STYX: variants seen among roughly 807,000 people sequenced by gnomAD.
STYX encodes serine/threonine/tyrosine-interacting protein.
Under a neutral mutation model 42.7 loss-of-function variants are expected in STYX, and 20 were observed. That is an observed-to-expected ratio of 0.47 (90% CI 0.33 to 0.68). STYX has a LOEUF of 0.68. STYX is among the 30% of genes least tolerant of loss of function. The pLI is 0.02. For synonymous variants in STYX, 78 were observed against 81.9 expected (o/e 0.95, Z 0.26); for missense variants, 226 against 268.5 (o/e 0.84, Z 1.11).
chr14:52,744,075 C>T (rs972004021), intron 1 of STYX, among the ~76,000 whole-genome samples: 1 of 152,202 alleles, frequency 6.6e-6, no homozygotes, highest in African/African-American at 2.4e-5. Flanking sequence ...CTGCCTGCCT[C>T]GGCATCCCAA....
intron 9 of STYX, among the ~76,000 whole-genome samples, chr14:52,765,300 T>C (rs1396129328): frequency 6.6e-6 from 1 of 152,068 alleles, no homozygotes; most frequent in African/African-American, 2.4e-5. Flanking sequence ...CTCACTGCAA[T>C]CTCCACCTCC....
At chr14:52,755,121 G>GTTTTTTTT (rs537098365) in intron 4 of STYX, among the ~76,000 whole-genome samples, 10 of 139,298 alleles carry the variant, frequency 7.2e-5, no homozygotes, top group Middle Eastern at 3.6e-3. Context: ...TTGTTTTTTT[G>GTTTTTTTT]TTTTTTTTTT....
At chr14:52,758,361 A>T (rs924616648) in intron 8 of STYX, among the ~76,000 whole-genome samples, 4 of 152,152 alleles carry the variant, frequency 2.6e-5, no homozygotes, top group Admixed American at 1.3e-4. Flanking sequence ...TTTTTAAAAG[A>T]TAGGGGGTGG....
chr14:52,768,875 A>G lies in STYX; in HGVS notation c.540A>G (p.Ile180Met), dbSNP rs1364917308. The part of the protein sequence containing the change: ...YEAIYLAKLT[I>M]QMMSPLQIER... ...CCATCTACCTAGCAAAATTAACAAT[A>G]CAGATGATGTCACCACTCCAGATAG... Residue 180 changes from isoleucine to methionine, a missense_variant, in exon 10 of 11, where the codon ATA becomes ATG. Physicochemically the swap from Ile to Met is conservative, Grantham distance 10 (BLOSUM62 1). Coordinates refer to ENST00000354586, the MANE Select transcript of STYX (RefSeq NM_145251.4). The G allele has an allele frequency of 3.1e-6, 5 of 1,603,772 alleles. No homozygotes were observed. Among genetic ancestry groups the G allele is most frequent in the Non-Finnish European group, 4.3e-6 (5 of 1,176,120 alleles).
At chr14:52,741,381 T>G (rs887225176) in intron 1 of STYX, among the ~76,000 whole-genome samples, 8 of 152,104 alleles carry the variant, frequency 5.3e-5, no homozygotes, top group African/African-American at 1.9e-4. Context: ...GTCAATTTTT[T>G]TAACTTTAAC....
At chr14:52,755,108 T>G (rs1234276192) in intron 4 of STYX, among the ~76,000 whole-genome samples, 1 of 140,004 alleles carries the variant, frequency 7.1e-6, no homozygotes, top group African/African-American at 2.6e-5. Context: ...TGTTTTTTTT[T>G]GTTTGTTTTT....
chr14:52,766,717 G>A (rs1162574491), intron 9 of STYX, among the ~76,000 whole-genome samples: 2 of 152,082 alleles, frequency 1.3e-5, no homozygotes, highest in East Asian at 1.9e-4. Context: ...GTCTTCTATT[G>A]TGTATTTACC....
chr14:52,770,683 A>G (rs1882477748), intron 10 of STYX, among the ~76,000 whole-genome samples: 2 of 152,112 alleles, frequency 1.3e-5, no homozygotes, highest in Admixed American at 1.3e-4. Flanking sequence ...CCTAAATTTT[A>G]TGCCCTAAGT....
At chr14:52,742,032 C>T (rs774928007) in intron 1 of STYX, among the ~76,000 whole-genome samples, 1 of 152,080 alleles carries the variant, frequency 6.6e-6, no homozygotes, top group Non-Finnish European at 1.5e-5. Flanking sequence ...AGAGAATATG[C>T]ATTTGCTTCT....
At chr14:52,762,716 A>G (rs1433981071) in intron 9 of STYX, among the ~76,000 whole-genome samples, 2 of 151,930 alleles carry the variant, frequency 1.3e-5, no homozygotes, top group Non-Finnish European at 2.9e-5. Context: ...CTCTTAATGC[A>G]TTAGTATATG....
rs934691692 is a variant in STYX, at chr14:52,771,870, GTTAGA to G, written c.*767_*771del. 3 of 152,510 alleles carry G rather than the reference GTTAGA, an allele frequency of 2.0e-5. No homozygotes were observed. The highest frequency in any genetic ancestry group is 2.9e-5 in the Non-Finnish European group (2 of 67,952). 9.4% of individuals were successfully genotyped at this position (152,510 alleles called of 1,614,324 possible). A position where few individuals can be genotyped will look rare whatever the true frequency, so the allele number is the denominator to read the frequency against. ...CCAAGTGCTTAAACACAAGGATAGT[GTTAGA>G]TTTTCGAGTGACTTTCCTTTTTGCA... is the stretch of plus-strand genomic sequence containing the variant. On this transcript the variant is annotated 3_prime_UTR_variant, in exon 11 of 11. Transcript: ENST00000354586.
chr14:52,768,260 C>T (rs1207471948), intron 9 of STYX, among the ~76,000 whole-genome samples: 1 of 151,902 alleles, frequency 6.6e-6, no homozygotes, highest in African/African-American at 2.4e-5. Context: ...TAACTATTGC[C>T]GAAGTATGGA....
intron 10 of STYX, among the ~76,000 whole-genome samples, chr14:52,769,910 A>T (rs1364931003): frequency 1.3e-5 from 2 of 152,132 alleles, no homozygotes; most frequent in Non-Finnish European, 2.9e-5. Flanking sequence ...ACAAAAGTTT[A>T]TAGAATGCCA....
intron 6 of STYX, 104 bp from the exon 7 acceptor site, chr14:52,757,639 C>T (rs950141797): frequency 4.8e-5 from 49 of 1,023,432 alleles, no homozygotes; most frequent in Non-Finnish European, 6.3e-5. Context: ...TGAAGATATC[C>T]AAGTGATTAT....
intron 10 of STYX, 111 bp downstream of exon 10, chr14:52,769,044 T>G (rs1882414013): frequency 1.3e-6 from 1 of 747,570 alleles, no homozygotes; most frequent in Non-Finnish European, 2.1e-6. Flanking sequence ...CTTGTTAAAC[T>G]ATTGAGCTAA....
intron 10 of STYX, among the ~76,000 whole-genome samples, chr14:52,770,207 A>T (rs936979768): frequency 6.6e-6 from 1 of 152,116 alleles, no homozygotes; most frequent in African/African-American, 2.4e-5. Context: ...AGGATATTTT[A>T]TCTCATTCAA....
intron 1 of STYX, among the ~76,000 whole-genome samples, chr14:52,732,463 C>CGG (rs1880771520): frequency 1.3e-5 from 2 of 151,616 alleles, no homozygotes; most frequent in South Asian, 4.2e-4. Flanking sequence ...TTAGTAGAGA[C>CGG]GGGGTTTCAC....
intron 4 of STYX, among the ~76,000 whole-genome samples, chr14:52,756,170 G>A (rs779105497): frequency 2.0e-5 from 3 of 151,984 alleles, no homozygotes; most frequent in South Asian, 2.1e-4. Context: ...TGCACACCAC[G>A]ACACCCAGCT....
chr14:52,753,688 A>G (rs995492936), intron 4 of STYX, among the ~76,000 whole-genome samples: 1 of 152,056 alleles, frequency 6.6e-6, no homozygotes, highest in African/African-American at 2.4e-5. Context: ...TGCTGTGTGA[A>G]TAGTATTGGA....
Sources: allele counts gnomAD v4.1 joint callset (sites outside exome capture counted in the v4.1 genomes callset), GRCh38; gene constraint gnomAD v4.1.1; transcripts MANE v1.5; gene names NCBI Gene and HGNC (gene_info 2026-07-23, HGNC 2026-07-21).